LPP: variants seen among roughly 807,000 people sequenced by gnomAD.
The protein encoded by LPP is LIM domain containing preferred translocation partner in lipoma, also known as lipoma-preferred partner.
LPP carries 38 observed loss-of-function variants against 60.4 expected under a neutral mutation model. The observed-to-expected ratio is 0.63, with a 90% confidence interval of 0.49 to 0.83. The LOEUF (loss-of-function observed/expected upper bound fraction) is 0.83, where lower values mean the gene tolerates loss of function less well. Among genes scored for constraint, LPP ranks in the 40% least tolerant of loss-of-function variants. The pLI is 0.00. For synonymous variants in LPP, 328 were observed against 290.8 expected, an observed-to-expected ratio of 1.13 and a Z score of -1.30; for missense variants, 902 against 783.6, an observed-to-expected ratio of 1.15 and a Z score of -1.80.
chr3:188,665,013 G>A (rs1855459545), intron 7 of LPP, among the ~76,000 whole-genome samples: 1 of 152,152 alleles, frequency 6.6e-6, no homozygotes, highest in African/African-American at 2.4e-5. Flanking sequence ...CCTCTAGAGG[G>A]ATCCATTTCT....
At chr3:188,307,584 A>T (rs1751941457) in intron 2 of LPP, among the ~76,000 whole-genome samples, 1 of 152,192 alleles carries the variant, frequency 6.6e-6, no homozygotes, top group African/African-American at 2.4e-5. Flanking sequence ...CCACACTGGG[A>T]TGTAAGCTCC....
At chr3:188,850,105 T>C (rs1762383403) in intron 9 of LPP, among the ~76,000 whole-genome samples, 1 of 152,218 alleles carries the variant, frequency 6.6e-6, no homozygotes. Context: ...ATGAAGTTTT[T>C]AGTTTTTATC....
At chr3:188,545,850 A>G (rs947022972) in intron 6 of LPP, among the ~76,000 whole-genome samples, 1 of 152,138 alleles carries the variant, frequency 6.6e-6, no homozygotes, top group Admixed American at 6.6e-5. Flanking sequence ...CCTGGGCTCA[A>G]AGACAGGGGG....
At chr3:188,570,015 T>C (rs1308735814) in intron 6 of LPP, among the ~76,000 whole-genome samples, 2 of 86,560 alleles carry the variant, frequency 2.3e-5, no homozygotes, top group African/African-American at 6.6e-5. Context: ...GCAACTTCAG[T>C]TTAATGGCTT....
chr3:188,785,547 T>TATATATACACACACACACAC (rs1206082559), intron 9 of LPP, among the ~76,000 whole-genome samples: 1 of 43,846 alleles, frequency 2.3e-5, no homozygotes, highest in Non-Finnish European at 4.1e-5. Flanking sequence ...TATATATATA[T>TATATATACACACACACACAC]ACACACACAC....
chr3:188,175,423 C>G (rs897294260), intron 1 of LPP, among the ~76,000 whole-genome samples: 1 of 152,164 alleles, frequency 6.6e-6, no homozygotes, highest in Non-Finnish European at 1.5e-5. Flanking sequence ...CTTTACATCT[C>G]CCATGCTGGC....
intron 2 of LPP, among the ~76,000 whole-genome samples, chr3:188,264,583 G>T (rs180914131): frequency 3.5e-4 from 53 of 152,192 alleles, no homozygotes; most frequent in African/African-American, 1.2e-3. Context: ...AGGGGAGGGA[G>T]GTGGGGTTTG....
intron 9 of LPP, among the ~76,000 whole-genome samples, chr3:188,807,789 C>T (rs1021240533): frequency 6.6e-6 from 1 of 152,164 alleles, no homozygotes; most frequent in Admixed American, 6.6e-5. Flanking sequence ...GAGCCTTAAA[C>T]ATTAATCATA....
At chr3:188,435,344 T>G (rs1165268175) in intron 4 of LPP, among the ~76,000 whole-genome samples, 1 of 152,168 alleles carries the variant, frequency 6.6e-6, no homozygotes, top group African/African-American at 2.4e-5. Context: ...TCCTATTATT[T>G]TATAGCTGTT....
chr3:188,240,961 C>G (rs963287969), intron 2 of LPP, among the ~76,000 whole-genome samples: 1 of 152,196 alleles, frequency 6.6e-6, no homozygotes, highest in African/African-American at 2.4e-5. Context: ...CTATATGATT[C>G]TTTTATTTTT....
chr3:188,479,799 A>G (rs180927845), intron 4 of LPP, among the ~76,000 whole-genome samples: 2 of 152,352 alleles, frequency 1.3e-5, no homozygotes, highest in African/African-American at 4.8e-5. Flanking sequence ...GAAGAAGAGC[A>G]TGATGCTTTC....
chr3:188,601,206 T>C (rs1841097029), intron 6 of LPP, among the ~76,000 whole-genome samples: 1 of 152,160 alleles, frequency 6.6e-6, no homozygotes, highest in East Asian at 1.9e-4. Context: ...TATTCTATTA[T>C]ATGACTATAC....
At chr3:188,726,616 G>C (rs764182996) in intron 8 of LPP, among the ~76,000 whole-genome samples, 1 of 152,172 alleles carries the variant, frequency 6.6e-6, no homozygotes, top group Non-Finnish European at 1.5e-5. Flanking sequence ...TGATACAGTG[G>C]TATTGGAGTG....
intron 1 of LPP, among the ~76,000 whole-genome samples, chr3:188,184,231 T>C (rs542384245): frequency 9.8e-5 from 15 of 152,344 alleles, no homozygotes; most frequent in South Asian, 8.3e-4. Flanking sequence ...GATTTGATTT[T>C]GCACGGACTA....
At chr3:188,209,824 G>A (rs1648062704) in intron 1 of LPP, among the ~76,000 whole-genome samples, 1 of 152,142 alleles carries the variant, frequency 6.6e-6, no homozygotes, top group Non-Finnish European at 1.5e-5. Context: ...TATGACTTGT[G>A]AGTCCACAAG....
intron 3 of LPP, among the ~76,000 whole-genome samples, chr3:188,368,396 T>C (rs111591657): frequency 1.9e-4 from 26 of 133,380 alleles, no homozygotes; most frequent in East Asian, 6.6e-4. Context: ...TTTTTTTTTT[T>C]CCCCTATGTC....
chr3:188,363,380 T>C (rs901071505), intron 3 of LPP, among the ~76,000 whole-genome samples: 1 of 152,234 alleles, frequency 6.6e-6, no homozygotes, highest in African/African-American at 2.4e-5. Context: ...TCAGCCTCAC[T>C]GCTCTCAGCA....
In LPP at chr3:188,609,534, G is replaced by T; in HGVS notation, c.803G>T (p.Arg268Leu). The T allele has an allele frequency of 6.2e-7, 1 of 1,614,116 alleles. No individual in the cohort carries two copies. Among genetic ancestry groups the T allele is most frequent in the Non-Finnish European group, 8.5e-7 (1 of 1,180,030 alleles). ...GGGCAGTGTCCACCTCCTTCAACAC[G>T]GGGAGGCATGGATTATGCCTACATT... The part of the protein sequence containing the change: ...VSGQCPPPST[R>L]GGMDYAYIPP... The change falls in exon 7 of 12, where the codon CGG becomes CTG. Residue 268 changes from arginine (R) to leucine (L), a missense_variant. Arg to Leu is a moderately radical substitution (Grantham distance 102). Transcript: ENST00000617246. The surrounding 1 kb of genome is among the most constrained non-coding windows in gnomAD (Gnocchi z 6.9).
intron 1 of LPP, among the ~76,000 whole-genome samples, chr3:188,211,212 C>T (rs369335782): frequency 2.0e-5 from 3 of 152,148 alleles, no homozygotes; most frequent in South Asian, 2.1e-4. Flanking sequence ...AGCACTGACT[C>T]GTCTAAAATC....
Sources: gnomAD v4.1 joint callset for allele counts (sites outside exome capture counted in the v4.1 genomes callset) on GRCh38, gnomAD v4.1.1 for gene constraint, Gnocchi (gnomAD v3.1) non-coding constraint, MANE v1.5 for transcripts, NCBI Gene and HGNC (gene_info 2026-07-23, HGNC 2026-07-21) for gene names.